PDE1C: variants seen among roughly 807,000 people sequenced by gnomAD.
PDE1C encodes dual specificity calcium/calmodulin-dependent 3',5'-cyclic nucleotide phosphodiesterase 1C.
In PDE1C, 62 loss-of-function variants were observed where a neutral mutation model predicts 93.1. The ratio of observed to expected loss-of-function variants is 0.67; its 90% CI spans 0.54 to 0.82. The LOEUF is 0.82. PDE1C is among the 40% of genes least tolerant of loss of function. The pLI is 0.00. For synonymous variants in PDE1C, 325 were observed against 310.1 expected (o/e 1.05, Z -0.50); for missense variants, 742 against 884.6 (o/e 0.84, Z 2.04).
At chr7:32,156,405 C>T (rs1256686578) in intron 3 of PDE1C, among the ~76,000 whole-genome samples, 1 of 152,204 alleles carries the variant, frequency 6.6e-6, no homozygotes, top group African/African-American at 2.4e-5. Context: ...CAAGAGCCCC[C>T]GTTGGCCATT....
chr7:32,247,280 G>A (rs1809034164), intron 1 of PDE1C, among the ~76,000 whole-genome samples: 1 of 121,996 alleles, frequency 8.2e-6, no homozygotes, highest in Non-Finnish European at 1.8e-5. Flanking sequence ...GGAGCCTAGG[G>A]CTTCTTGGCC....
chr7:32,107,456 C>A (rs1207698640), intron 3 of PDE1C, among the ~76,000 whole-genome samples: 1 of 151,958 alleles, frequency 6.6e-6, no homozygotes, highest in African/African-American at 2.4e-5. Flanking sequence ...TCATCAGAAG[C>A]CCTGTAAGCA....
chr7:32,064,694 A>C (rs1795177798), intron 1 of PDE1C, among the ~76,000 whole-genome samples: 1 of 152,180 alleles, frequency 6.6e-6, no homozygotes, highest in Admixed American at 6.5e-5. Flanking sequence ...TAAAATATAT[A>C]TATATTTCTC....
intron 2 of PDE1C, chr7:31,941,560 G>A (rs1486426197): frequency 2.0e-5 from 3 of 153,562 alleles, no homozygotes; most frequent in Non-Finnish European, 4.4e-5. Context: ...TGTGTTCTTT[G>A]ACAGATCCAG....
At chr7:32,146,146 C>A (rs1800820322) in intron 3 of PDE1C, among the ~76,000 whole-genome samples, 1 of 152,256 alleles carries the variant, frequency 6.6e-6, no homozygotes, top group African/African-American at 2.4e-5. Flanking sequence ...TATTCTGACA[C>A]CAGTGCCCTG....
intron 1 of PDE1C, among the ~76,000 whole-genome samples, chr7:32,367,638 T>C (rs374098772): frequency 2.0e-5 from 3 of 152,162 alleles, no homozygotes; most frequent in Non-Finnish European, 2.9e-5. Context: ...GGTGGATTGC[T>C]TGTGCCCAGA....
chr7:31,630,361 C>T, the PDE1C span, among the ~76,000 whole-genome samples: 1 of 151,824 alleles, frequency 6.6e-6, no homozygotes, highest in African/African-American at 2.4e-5. Flanking sequence ...ACTTAAGTCT[C>T]TGAGATAACA....
At chr7:31,629,616 C>T in the PDE1C span, among the ~76,000 whole-genome samples, 2 of 152,164 alleles carry the variant, frequency 1.3e-5, no homozygotes, top group Admixed American at 1.3e-4. Context: ...TTTTATCTTT[C>T]AAAATACAAT....
the PDE1C span, chr7:31,695,576 A>C: frequency 6.2e-7 from 1 of 1,614,032 alleles, no homozygotes; most frequent in African/African-American, 1.3e-5. Context: ...AAAAAAACCA[A>C]GGAGGAAAGA....
the PDE1C span, among the ~76,000 whole-genome samples, chr7:31,639,516 TTTC>T: frequency 7.0e-6 from 1 of 143,770 alleles, no homozygotes; most frequent in Admixed American, 7.5e-5. Context: ...GGATATAGTT[TTTC>T]TTTTGTTTGT....
At chr7:32,175,752 T>G (rs527796130) in intron 2 of PDE1C, among the ~76,000 whole-genome samples, 1 of 152,242 alleles carries the variant, frequency 6.6e-6, no homozygotes, top group Non-Finnish European at 1.5e-5. Flanking sequence ...AAAACTTTCA[T>G]GAGCGTCCTA....
intron 1 of PDE1C, among the ~76,000 whole-genome samples, chr7:32,296,363 T>C (rs958495296): frequency 6.6e-6 from 1 of 152,264 alleles, no homozygotes; most frequent in Non-Finnish European, 1.5e-5. Context: ...CCCATGATAT[T>C]AGCTTAGTGC....
At chr7:32,349,324 G>A (rs1449706582) in intron 1 of PDE1C, among the ~76,000 whole-genome samples, 1 of 152,204 alleles carries the variant, frequency 6.6e-6, no homozygotes, top group Non-Finnish European at 1.5e-5. Flanking sequence ...CAGGCCAGTG[G>A]GGCAGGTGTC....
chr7:31,970,354 C>A (rs1393653978), intron 2 of PDE1C, among the ~76,000 whole-genome samples: 1 of 152,082 alleles, frequency 6.6e-6, no homozygotes, highest in Non-Finnish European at 1.5e-5. Context: ...ACTTTAACTT[C>A]TCAAATAGTG....
intron 1 of PDE1C, among the ~76,000 whole-genome samples, chr7:32,382,905 G>A (rs1323891585): frequency 6.6e-6 from 1 of 152,096 alleles, no homozygotes; most frequent in Non-Finnish European, 1.5e-5. Context: ...GGACCTCTCT[G>A]CTTCCTCCTC....
intron 11 of PDE1C, among the ~76,000 whole-genome samples, chr7:31,835,877 A>G (rs1024544918): frequency 6.6e-6 from 1 of 152,138 alleles, no homozygotes; most frequent in South Asian, 2.1e-4. Context: ...GCCTTCTACA[A>G]TTTCTGCATT....
intron 2 of PDE1C, among the ~76,000 whole-genome samples, chr7:32,014,871 T>G (rs1450444227): frequency 1.3e-5 from 2 of 152,144 alleles, no homozygotes; most frequent in East Asian, 3.9e-4. Flanking sequence ...TGTGATATGG[T>G]TAGGCTTTGT....
chr7:32,012,801 A>G (rs892475141), intron 2 of PDE1C, among the ~76,000 whole-genome samples: 5 of 152,214 alleles, frequency 3.3e-5, no homozygotes, highest in African/African-American at 1.2e-4. Context: ...TTCCACAGTC[A>G]AATGACCTAC....
At chr7:31,830,766 T>C (rs1790279407) in intron 11 of PDE1C, among the ~76,000 whole-genome samples, 1 of 152,162 alleles carries the variant, frequency 6.6e-6, no homozygotes, top group Admixed American at 6.6e-5. Flanking sequence ...CAATATCTCT[T>C]ATGCCTACTT....
Sources: allele counts gnomAD v4.1 joint callset (sites outside exome capture counted in the v4.1 genomes callset), GRCh38; gene constraint gnomAD v4.1.1; transcripts MANE v1.5; gene names NCBI Gene and HGNC (gene_info 2026-07-23, HGNC 2026-07-21).